Variants in P2RY8 observed in about 807,000 individuals in gnomAD.
P2RY8 encodes the protein S-geranylgeranyl-glutathione receptor P2RY8.
A neutral mutation model predicts 10.0 loss-of-function variants in P2RY8; 6 were observed. The observed-to-expected ratio is 0.60, with a 90% CI of 0.33 to 1.19. P2RY8 has a LOEUF of 1.19. P2RY8 is among the 50% of genes most tolerant of loss of function. The pLI, the probability that P2RY8 is intolerant of heterozygous loss-of-function variation, is 0.04. For missense variants in P2RY8, 456 were observed against 542.0 expected (o/e 0.84, Z 1.58); for synonymous variants, 276 against 252.5 (o/e 1.09, Z -0.88).
rs1440067126 is a variant in P2RY8, at chrX:1,465,528, A to G, written c.1031T>C (p.Met344Thr). Reference protein sequence around the residue: ...RSEAGAHPEGMEGATRPGLQR... With the variant: ...RSEAGAHPEGTEGATRPGLQR... ...GAGGCCGGGCCTGGTGGCTCCCTCC[A>G]TCCCTTCAGGGTGCGCACCGGCCTC... The change falls in exon 2 of 2, where the codon ATG (methionine) becomes ACG (threonine). Residue 344 changes from methionine to threonine, a missense_variant. Transcript: ENST00000381297. The G allele has an allele frequency of 6.2e-7, 1 of 1,611,322 alleles. No individual in the cohort carries two copies. The highest frequency in any genetic ancestry group is 8.5e-7 in the Non-Finnish European group (1 of 1,179,424).
chrX:1,516,947 T>C (rs2092355700), intron 1 of P2RY8, among the ~76,000 whole-genome samples: 1 of 151,342 alleles, frequency 6.6e-6, no homozygotes. Context: ...ACGCAGTCTA[T>C]GGTATTCTGT....
chrX:1,511,248 G>T (rs2092295752), intron 1 of P2RY8, among the ~76,000 whole-genome samples: 2 of 152,178 alleles, frequency 1.3e-5, no homozygotes, highest in Admixed American at 1.3e-4. Flanking sequence ...GCACATTAAA[G>T]GTTAAAAGTC....
intron 1 of P2RY8, among the ~76,000 whole-genome samples, chrX:1,533,125 C>T (rs4418527): frequency 0.86 from 129,533 of 150,324 alleles, 56,181 homozygotes; most frequent in East Asian, 0.98. Flanking sequence ...GGCCACAAAC[C>T]GGGTTCAGTG....
chrX:1,527,687 C>T (rs1381592471), intron 1 of P2RY8, among the ~76,000 whole-genome samples: 1 of 151,778 alleles, frequency 6.6e-6, no homozygotes, highest in African/African-American at 2.4e-5. Context: ...CTCATTCATT[C>T]CTTATCCATT....
rs1294679529 is a variant in P2RY8, at chrX:1,464,782, G to C, written c.*697C>G. 4.4e-6 allele frequency: 1 copy of C among 226,656 alleles called. No individual in the cohort carries two copies. Among genetic ancestry groups the C allele is most frequent in the African/African-American group, 2.2e-5 (1 of 44,868 alleles). 14.0% of individuals were successfully genotyped at this position (226,656 alleles called of 1,614,324 possible). A position where few individuals can be genotyped will look rare whatever the true frequency, so the allele number is the denominator to read the frequency against. The stretch of plus-strand genomic sequence containing the variant: ...CAAAAATCACCTTGGTCAGCAACAG[G>C]GTGGGGTGTGTGTGTGGGGGGAAGT... On this transcript the variant is annotated 3_prime_UTR_variant, in exon 2 of 2. Coordinates refer to ENST00000381297, the MANE Select transcript of P2RY8 (RefSeq NM_178129.5).
Position 1,465,878 on chromosome X carries a change from G to A in P2RY8, c.681C>T (p.His227=), listed in dbSNP as rs776809606. ...ILKLLRTEEA[H]GREQRRRAVG... ...CCGCGCGCCTCCGCTGCTCCCGGCCGTGCGCCTCCTCCGTGCGCAACAGCT... is the reference window on the plus strand; with the variant it reads ...CCGCGCGCCTCCGCTGCTCCCGGCCATGCGCCTCCTCCGTGCGCAACAGCT... The change falls in exon 2 of 2, where the codon CAC becomes CAT. Residue 227 remains histidine (H), a synonymous_variant. Coordinates refer to ENST00000381297, the MANE Select transcript of P2RY8 (RefSeq NM_178129.5). 1.9e-6 allele frequency: 3 copies of A among 1,612,468 alleles called. No homozygotes were observed. The highest frequency in any genetic ancestry group is 2.2e-5 in the East Asian group (1 of 44,864).
intron 1 of P2RY8, among the ~76,000 whole-genome samples, chrX:1,495,069 GT>G (rs11358685): frequency 0.018 from 2,742 of 152,106 alleles, 80 homozygotes; most frequent in African/African-American, 0.062. Flanking sequence ...TGCTAAGACA[GT>G]TTTTTATTTG....
chrX:1,511,359 C>T (rs1230936190), intron 1 of P2RY8, among the ~76,000 whole-genome samples: 1 of 152,182 alleles, frequency 6.6e-6, no homozygotes, highest in Non-Finnish European at 1.5e-5. Context: ...CTCCTGTAAC[C>T]TGTTGAATAC....
chrX:1,518,061 A>AT (rs1366117261), intron 1 of P2RY8, among the ~76,000 whole-genome samples: 1 of 150,766 alleles, frequency 6.6e-6, no homozygotes, highest in Non-Finnish European at 1.5e-5. Context: ...GTGAGCCGAG[A>AT]TTTTGTCACT....
chrX:1,514,199 A>G (rs1167878034), intron 1 of P2RY8, among the ~76,000 whole-genome samples: 3 of 152,158 alleles, frequency 2.0e-5, no homozygotes, highest in Non-Finnish European at 2.9e-5. Context: ...CAACACCTGC[A>G]CAGGTAAGTA....
chrX:1,493,528 C>A (rs182389949), intron 1 of P2RY8, among the ~76,000 whole-genome samples: 5 of 152,088 alleles, frequency 3.3e-5, no homozygotes, highest in Admixed American at 3.3e-4. Flanking sequence ...GCTGCTGCTT[C>A]CTCCTCACTC....
At chrX:1,536,637 C>T (rs1321067183) in intron 1 of P2RY8, among the ~76,000 whole-genome samples, 1 of 152,228 alleles carries the variant, frequency 6.6e-6, no homozygotes, top group Non-Finnish European at 1.5e-5. Context: ...CCTCGTGATC[C>T]GCCCACCTCG....
At chrX:1,532,435 AT>A (rs2092483990) in intron 1 of P2RY8, among the ~76,000 whole-genome samples, 1 of 136,058 alleles carries the variant, frequency 7.3e-6, no homozygotes, top group Non-Finnish European at 1.6e-5. Context: ...ATACACATAT[AT>A]GTATATATGT....
chrX:1,483,905 C>A (rs1304843504), intron 1 of P2RY8, among the ~76,000 whole-genome samples: 1 of 151,866 alleles, frequency 6.6e-6, no homozygotes, highest in Non-Finnish European at 1.5e-5. Flanking sequence ...CTCCTAAACC[C>A]AAACCTGAGC....
chrX:1,513,473 C>A (rs1263106698), intron 1 of P2RY8, among the ~76,000 whole-genome samples: 1 of 151,390 alleles, frequency 6.6e-6, no homozygotes, highest in African/African-American at 2.4e-5. Flanking sequence ...CATCCCTGGG[C>A]TTGTGGCCGC....
rs1425143426 is a variant in P2RY8 at position 1,469,510 on chromosome X, TGTC to T, written c.-24-2931_-24-2929del. On this transcript the variant is annotated intron_variant, in intron 1 of 1. Coordinates refer to ENST00000381297, the MANE Select transcript of P2RY8 (RefSeq NM_178129.5). ...TATGCTTTGCAGGTAAATGCACACCTGTCTGGCAGCAATGCATCCAGCAATGTT... is the reference window on the plus strand; with the variant it reads ...TATGCTTTGCAGGTAAATGCACACCTTGGCAGCAATGCATCCAGCAATGTT... 2.0e-5 allele frequency among the ~76,000 whole-genome samples: 3 copies of T among 152,076 alleles called. No individual in the cohort carries two copies. The East Asian group carries it at 5.8e-4, about 29-fold the overall frequency.
chrX:1,509,399 TC>T (rs1158735954), intron 1 of P2RY8, among the ~76,000 whole-genome samples: 1 of 136,822 alleles, frequency 7.3e-6, no homozygotes, highest in South Asian at 2.4e-4. Flanking sequence ...TATCTATCTA[TC>T]TATCTATCTA....
chrX:1,470,731 G>C (rs1161157045), intron 1 of P2RY8, among the ~76,000 whole-genome samples: 8 of 152,054 alleles, frequency 5.3e-5, no homozygotes, highest in African/African-American at 1.7e-4. Context: ...GCTGCAGCCT[G>C]GGTCAGAGCT....
chrX:1,512,546 C>CAA (rs573449530), intron 1 of P2RY8, among the ~76,000 whole-genome samples: 18,599 of 96,798 alleles, frequency 0.19, 2,789 homozygotes, highest in Non-Finnish European at 0.27. Flanking sequence ...GACTCCGTCT[C>CAA]AAAAAAAAAA....
Sources: allele counts gnomAD v4.1 joint callset (sites outside exome capture counted in the v4.1 genomes callset), GRCh38; gene constraint gnomAD v4.1.1; transcripts MANE v1.5; gene names NCBI Gene and HGNC (gene_info 2026-07-23, HGNC 2026-07-21).